Variants in UGT1A8 observed in about 807,000 individuals in gnomAD.
UGT1A8 encodes UDP glucuronosyltransferase family 1 member A8, also known as UDP-glucuronosyltransferase 1A8.
UGT1A8 carries 39 observed loss-of-function variants against 45.3 expected under a neutral mutation model. That is an observed-to-expected ratio of 0.86 (90% confidence interval 0.67 to 1.12). The LOEUF (loss-of-function observed/expected upper bound fraction) is 1.12. Among genes scored for constraint, UGT1A8 ranks in the 50% most tolerant of loss-of-function variants. The probability of loss-of-function intolerance (pLI) is 0.00; values close to 1 mark genes in which losing one functional copy is unlikely to be tolerated. For synonymous variants in UGT1A8, 275 were observed against 249.2 expected, an observed-to-expected ratio of 1.10 and a Z score of -0.97; for missense variants, 719 against 664.9, an observed-to-expected ratio of 1.08 and a Z score of -0.90.
At chr2:233,747,527 T>G (rs1237082221) in intron 1 of UGT1A8, 2 of 1,605,936 alleles carry the variant, frequency 1.2e-6, no homozygotes, top group African/African-American at 1.3e-5. Context: ...AAACAGAACA[T>G]TTTCTGAAGA....
At chr2:233,645,100 C>A (rs2073564427) in intron 1 of UGT1A8, among the ~76,000 whole-genome samples, 1 of 152,160 alleles carries the variant, frequency 6.6e-6, no homozygotes, top group Non-Finnish European at 1.5e-5. Flanking sequence ...CTTTAAAAAA[C>A]AATCCCTTAC....
At chr2:233,729,220 T>C (rs754967236) in intron 1 of UGT1A8, 8 of 1,613,996 alleles carry the variant, frequency 5.0e-6, no homozygotes, top group Admixed American at 3.3e-5. Context: ...TGGAAAGGTG[T>C]TGGTGGTGCC....
intron 1 of UGT1A8, among the ~76,000 whole-genome samples, chr2:233,746,783 T>C (rs1194823127): frequency 6.6e-6 from 1 of 151,828 alleles, no homozygotes; most frequent in East Asian, 1.9e-4. Flanking sequence ...TGGTTTTCTG[T>C]TGTAATTCAT....
intron 1 of UGT1A8, among the ~76,000 whole-genome samples, chr2:233,662,885 T>C (rs1175022297): frequency 6.6e-6 from 1 of 152,076 alleles, no homozygotes; most frequent in Non-Finnish European, 1.5e-5. Context: ...ACTATTAAGA[T>C]TGCTACATGG....
At chr2:233,712,850 A>C in intron 1 of UGT1A8, 1 of 1,537,004 alleles carries the variant, frequency 6.5e-7, no homozygotes, top group Non-Finnish European at 8.8e-7. Flanking sequence ...AACGGGTAAT[A>C]AGTAACTGGA....
At chr2:233,736,510 T>C (rs77531777) in intron 1 of UGT1A8, among the ~76,000 whole-genome samples, 9,193 of 152,294 alleles carry the variant, frequency 0.06, 873 homozygotes, top group African/African-American at 0.21. Flanking sequence ...AGCCTACTTC[T>C]GTCAACTCGT....
At chr2:233,764,522 C>G (rs1698581178) in intron 1 of UGT1A8, among the ~76,000 whole-genome samples, 1 of 152,138 alleles carries the variant, frequency 6.6e-6, no homozygotes, top group Non-Finnish European at 1.5e-5. Context: ...TGAATCACAT[C>G]CTGCTGATTG....
At chr2:233,674,130 C>G (rs1437871009) in intron 1 of UGT1A8, among the ~76,000 whole-genome samples, 11 of 152,152 alleles carry the variant, frequency 7.2e-5, no homozygotes, top group Non-Finnish European at 1.6e-4. Flanking sequence ...ATTGTTCTGG[C>G]TCCTTACAAG....
intron 1 of UGT1A8, among the ~76,000 whole-genome samples, chr2:233,629,433 C>G (rs2073148578): frequency 6.6e-6 from 1 of 152,092 alleles, no homozygotes; most frequent in Non-Finnish European, 1.5e-5. Flanking sequence ...TTTCTAATGT[C>G]AAACCAGCCT....
At chr2:233,653,979 A>C (rs1158544675) in intron 1 of UGT1A8, among the ~76,000 whole-genome samples, 1 of 152,246 alleles carries the variant, frequency 6.6e-6, no homozygotes, top group East Asian at 1.9e-4. Flanking sequence ...TTGTACGTAC[A>C]TGCCTAATGC....
In UGT1A8 at chr2:233,723,536, T is replaced by TTTTA. The variant is rs1553611580; in HGVS notation, c.856-43498_856-43497insTTTA. The stretch of plus-strand genomic sequence containing the variant: ...ACAATCTTTTTTTTTTTTTTTTTTT[T>TTTTA]AATTTATTTTTTTATTGATAATTCT... On this transcript the variant is annotated intron_variant, in intron 1 of 4. Transcript: ENST00000373450. 3.3e-5 allele frequency among the ~76,000 whole-genome samples: 4 copies of TTTTA among 121,446 alleles called. 1 individual carries two copies. Among genetic ancestry groups the TTTTA allele is most frequent in the Admixed American group, 1.7e-4 (2 of 11,926 alleles). 79.7% of individuals were successfully genotyped at this position (121,446 alleles called of 152,430 possible). A position where few individuals can be genotyped will look rare whatever the true frequency, so the allele number is the denominator to read the frequency against.
chr2:233,713,344 A>C (rs925382549), intron 1 of UGT1A8: 1 of 1,614,206 alleles, frequency 6.2e-7, no homozygotes, highest in African/African-American at 1.3e-5. Flanking sequence ...GCAATTATGA[A>C]CAATATGTCT....
chr2:233,744,381 A>G (rs186112546), intron 1 of UGT1A8, among the ~76,000 whole-genome samples: 6 of 151,986 alleles, frequency 3.9e-5, no homozygotes, highest in East Asian at 3.9e-4. Flanking sequence ...CAGTTCTCCA[A>G]CGTTCCAGCC....
chr2:233,664,164 A>G (rs1164577802), intron 1 of UGT1A8, among the ~76,000 whole-genome samples: 1 of 152,162 alleles, frequency 6.6e-6, no homozygotes, highest in African/African-American at 2.4e-5. Flanking sequence ...TCATTTTCAC[A>G]TGAGACCTCA....
At chr2:233,760,285 G>C (rs376515645) in intron 1 of UGT1A8, 1 of 1,612,934 alleles carries the variant, frequency 6.2e-7, no homozygotes, top group East Asian at 2.2e-5. Flanking sequence ...GAGCAAAGGC[G>C]CCATGGCTGT....
intron 1 of UGT1A8, among the ~76,000 whole-genome samples, chr2:233,744,590 G>C (rs1190508519): frequency 6.6e-6 from 1 of 151,850 alleles, no homozygotes; most frequent in Non-Finnish European, 1.5e-5. Flanking sequence ...TACAGTTTTT[G>C]CATCTCTCTT....
At chr2:233,630,312 T>C (rs2073164252) in intron 1 of UGT1A8, among the ~76,000 whole-genome samples, 1 of 152,146 alleles carries the variant, frequency 6.6e-6, no homozygotes, top group Admixed American at 6.6e-5. Flanking sequence ...AGGAGCCATC[T>C]TGTGCTCCTA....
chr2:233,699,401 A>C (rs1224961959), intron 1 of UGT1A8, among the ~76,000 whole-genome samples: 1 of 152,198 alleles, frequency 6.6e-6, no homozygotes, highest in African/African-American at 2.4e-5. Context: ...TTAGAAGAGA[A>C]TTTAGCTTTG....
chr2:233,648,618 G>T (rs1477725322), intron 1 of UGT1A8, among the ~76,000 whole-genome samples: 1 of 44,108 alleles, frequency 2.3e-5, no homozygotes, highest in Non-Finnish European at 4.5e-5. Flanking sequence ...CTGCCACCAC[G>T]CCTGGCTAAT....
Sources: allele counts gnomAD v4.1 joint callset (sites outside exome capture counted in the v4.1 genomes callset), GRCh38; gene constraint gnomAD v4.1.1; transcripts MANE v1.5; gene names NCBI Gene and HGNC (gene_info 2026-07-23, HGNC 2026-07-21).